Variants in EVL observed in about 807,000 individuals in gnomAD.
The protein encoded by EVL is Enah/Vasp-like, also known as ena/VASP-like protein.
A neutral mutation model predicts 59.6 loss-of-function variants in EVL; 21 were observed. That is an observed-to-expected ratio of 0.35 (90% CI 0.25 to 0.51). EVL has a LOEUF of 0.51. EVL is among the 20% of genes least tolerant of loss of function. The probability of loss-of-function intolerance (pLI) is 0.97; values close to 1 mark genes in which losing one functional copy is unlikely to be tolerated. For missense variants in EVL, 462 were observed against 546.6 expected (o/e 0.85, Z 1.54); for synonymous variants, 198 against 203.5 (o/e 0.97, Z 0.23).
chr14:100,046,559 C>T lies in EVL; in HGVS notation c.6-38128C>T, dbSNP rs142300699. Among the ~76,000 whole-genome samples, 47 of 151,808 alleles carry T rather than the reference C, an allele frequency of 3.1e-4. No homozygotes were observed. The East Asian group carries it at 7.1e-3, about 23-fold the overall frequency. ...GCGCTTGCCTGTAATCCCAGCTACT[C>T]GGGAGTCTGAGGTGGGAGGGTTGCT... is the stretch of plus-strand genomic sequence containing the variant. On this transcript the variant is annotated intron_variant, in intron 1 of 13. Transcript: ENST00000402714.
At chr14:100,044,532 C>T (rs191783822) in intron 1 of EVL, among the ~76,000 whole-genome samples, 76 of 152,212 alleles carry the variant, frequency 5.0e-4, no homozygotes, top group Non-Finnish European at 8.4e-4. Flanking sequence ...CTGGGGAAGA[C>T]GGGTAAGGAC....
intron 1 of EVL, among the ~76,000 whole-genome samples, chr14:100,050,550 C>T (rs573660735): frequency 1.1e-3 from 163 of 151,818 alleles, no homozygotes; most frequent in East Asian, 3.7e-3. Context: ...GGGGTTTCAC[C>T]GTGGTCTCGA....
chr14:100,116,197 GGC>G (rs1887334907), intron 3 of EVL, among the ~76,000 whole-genome samples: 1 of 152,242 alleles, frequency 6.6e-6, no homozygotes, highest in Non-Finnish European at 1.5e-5. Context: ...TGCCGGGGAT[GGC>G]CCAGTCTCAC....
chr14:100,141,827 A>C, intron 13 of EVL, 34 bp downstream of exon 13: 1 of 1,605,696 alleles, frequency 6.2e-7, no homozygotes, highest in East Asian at 2.2e-5. Context: ...GGTGGCACCC[A>C]GGTGTGGCCG....
intron 1 of EVL, among the ~76,000 whole-genome samples, chr14:100,025,890 C>T (rs1454478407): frequency 3.9e-5 from 6 of 152,188 alleles, no homozygotes; most frequent in African/African-American, 7.2e-5. Context: ...GAGCCGAGAT[C>T]GGGCCACTGC....
chr14:100,123,508 CCA>C (rs778696241), intron 3 of EVL, 29 bp from the exon 4 acceptor site: 2 of 1,612,622 alleles, frequency 1.2e-6, no homozygotes, highest in Non-Finnish European at 1.7e-6. Context: ...CTTCCTCTAA[CCA>C]CACTGTTTCT....
Position 100,132,741 on chromosome 14 carries a change from G to A in EVL, c.862G>A (p.Asp288Asn). Reference sequence around the variant, plus strand: ...TAGGAGAAAAGCAGCCTCCCAGTCAGACAAGCCAGCCGAGAAGAAGGAAGA... The same window carrying A: ...TAGGAGAAAAGCAGCCTCCCAGTCAAACAAGCCAGCCGAGAAGAAGGAAGA... ...AKRRKAASQS[D>N]KPAEKKEDES... The change falls in exon 8 of 14, where the codon GAC (aspartate) becomes AAC (asparagine). Residue 288 changes from aspartate to asparagine, a missense_variant. Coordinates refer to ENST00000392920, the MANE Select transcript of EVL (RefSeq NM_016337.3). 1 of 1,614,162 alleles carries A rather than the reference G, an allele frequency of 6.2e-7. No homozygotes were observed. Among genetic ancestry groups the A allele is most frequent in the South Asian group, 1.1e-5 (1 of 91,086 alleles).
chr14:100,118,691 C>G (rs1012018235), intron 3 of EVL, among the ~76,000 whole-genome samples: 2 of 152,188 alleles, frequency 1.3e-5, no homozygotes, highest in Non-Finnish European at 2.9e-5. Context: ...CTCCTGTCCC[C>G]TGTGGCTGGC....
intron 1 of EVL, among the ~76,000 whole-genome samples, chr14:99,978,399 C>G (rs1162084263): frequency 6.8e-6 from 1 of 146,360 alleles, no homozygotes; most frequent in Non-Finnish European, 1.5e-5. Context: ...GAGACTCTGT[C>G]TCAAAAAAAA....
At chr14:100,006,378 G>T (rs577041196) in intron 1 of EVL, among the ~76,000 whole-genome samples, 1 of 149,564 alleles carries the variant, frequency 6.7e-6, no homozygotes, top group Admixed American at 6.7e-5. Context: ...TCCGCCTCCC[G>T]TGTTCAAGCA....
chr14:100,036,817 A>G (rs747306144), intron 1 of EVL, among the ~76,000 whole-genome samples: 11 of 152,172 alleles, frequency 7.2e-5, no homozygotes, highest in Non-Finnish European at 1.5e-4. Flanking sequence ...TATGTCTCCC[A>G]CAACTCACTG....
At chr14:100,061,858 ATTATC>A (rs1362528199), upstream of EVL, among the ~76,000 whole-genome samples, 1 of 152,078 alleles carries the variant, frequency 6.6e-6, no homozygotes, top group Non-Finnish European at 1.5e-5. Context: ...TTGGAAATGG[ATTATC>A]TTAAAGTTCT....
chr14:100,084,393 A>G (rs2062388530), intron 1 of EVL, among the ~76,000 whole-genome samples: 1 of 152,128 alleles, frequency 6.6e-6, no homozygotes, highest in Admixed American at 6.5e-5. Flanking sequence ...ACAGTTGGCA[A>G]ATTATAATTG....
rs543542270 is a variant in EVL, at chr14:100,133,005, C to T, written c.900+226C>T. On this transcript the variant is annotated intron_variant, in intron 8 of 13. Coordinates refer to ENST00000392920, the MANE Select transcript of EVL (RefSeq NM_016337.3). ...GCACCCCCTACCAGACACTGCTCCA[C>T]CCTTGGAGCTGCAGCCTGAGGCGCT... is the stretch of plus-strand genomic sequence containing the variant. Among the ~76,000 whole-genome samples the T allele has an allele frequency of 1.3e-4, 20 of 152,352 alleles. 1 individual carries two copies. The highest frequency in any genetic ancestry group is 9.8e-4 in the Admixed American group (15 of 15,304).
At chr14:100,120,459 A>G (rs1237438877) in intron 3 of EVL, among the ~76,000 whole-genome samples, 2 of 152,198 alleles carry the variant, frequency 1.3e-5, no homozygotes, top group Non-Finnish European at 2.9e-5. Context: ...TGGGTGAGAA[A>G]GCTGTCAGTT....
At chr14:100,136,378 T>C (rs1888787556) in intron 9 of EVL, among the ~76,000 whole-genome samples, 1 of 152,218 alleles carries the variant, frequency 6.6e-6, no homozygotes. Flanking sequence ...ATGACCGACA[T>C]TACAGAGATG....
At chr14:99,996,794 G>A (rs1172705983) in intron 1 of EVL, among the ~76,000 whole-genome samples, 1 of 152,108 alleles carries the variant, frequency 6.6e-6, no homozygotes, top group East Asian at 1.9e-4. Context: ...TGGGACTATA[G>A]GCACATGCCA....
chr14:100,099,215 G>C lies in EVL; in HGVS notation c.358+1557G>C, dbSNP rs142573783. On this transcript the variant is annotated intron_variant, in intron 3 of 13. Coordinates refer to ENST00000392920, the MANE Select transcript of EVL (RefSeq NM_016337.3). ...AAAAAAAAAAGAAAAAGTGTGTACT[G>C]GGCCTGATATATTGGAGCTTTAGGA... Among the ~76,000 whole-genome samples, 53 of 151,448 alleles carry C rather than the reference G, an allele frequency of 3.5e-4. 1 individual carries two copies. Among genetic ancestry groups the C allele is most frequent in the African/African-American group, 1.3e-3 (52 of 41,240 alleles).
At chr14:100,134,427 TCTC>T (rs534474291) in intron 8 of EVL, among the ~76,000 whole-genome samples, 104 of 152,290 alleles carry the variant, frequency 6.8e-4, no homozygotes, top group African/African-American at 2.5e-3. Context: ...AGGATAGCAC[TCTC>T]CTCCTCAGAC....
Sources: gnomAD v4.1 joint callset for allele counts (sites outside exome capture counted in the v4.1 genomes callset) on GRCh38, gnomAD v4.1.1 for gene constraint, MANE v1.5 for transcripts, NCBI Gene and HGNC (gene_info 2026-07-23, HGNC 2026-07-21) for gene names.